DCDC2B: variants seen among roughly 807,000 people sequenced by gnomAD.
DCDC2B encodes doublecortin domain-containing protein 2B.
In DCDC2B, 41 loss-of-function variants were observed where a neutral mutation model predicts 38.9. The ratio of observed to expected loss-of-function variants is 1.05; its 90% CI spans 0.82 to 1.37. The LOEUF (loss-of-function observed/expected upper bound fraction) is 1.37. Ranked by LOEUF, DCDC2B falls within the 40% of genes most tolerant of loss-of-function variation. The probability of loss-of-function intolerance (pLI) is 0.00; values close to 1 mark genes in which losing one functional copy is unlikely to be tolerated. For missense variants in DCDC2B, 453 were observed against 427.2 expected, an observed-to-expected ratio of 1.06 and a Z score of -0.53; for synonymous variants, 181 against 171.9, an observed-to-expected ratio of 1.05 and a Z score of -0.41.
Position 32,215,466 on chromosome 1 carries a change from C to T in DCDC2B, c.877C>T (p.His293Tyr). 6.2e-7 allele frequency: 1 copy of T among 1,613,288 alleles called. No individual in the cohort carries two copies. The highest frequency in any genetic ancestry group is 1.1e-5 in the South Asian group (1 of 91,050). ...SGVIGVYGAPHRRKETAGALE... is the reference protein window; with the variant it reads ...SGVIGVYGAPYRRKETAGALE... The stretch of plus-strand genomic sequence containing the variant: ...AGTTATAGGAGTATATGGAGCTCCC[C>T]ACCGAAGGAAGGAGACAGCGGGGGC... Residue 293 changes from histidine (H) to tyrosine (Y), a missense_variant, in exon 8 of 9, where the codon CAC becomes TAC. Coordinates refer to ENST00000409358, the MANE Select transcript of DCDC2B (RefSeq NM_001099434.2).
chr1:32,214,627 A>T, intron 6 of DCDC2B, 170 bp from the exon 7 acceptor site: 1 of 896,712 alleles, frequency 1.1e-6, no homozygotes, highest in Non-Finnish European at 1.7e-6. Flanking sequence ...TGGATAAGTC[A>T]GGCTGGTGGG....
chr1:32,214,704 C>T (rs1471387109), intron 6 of DCDC2B, 93 bp from the exon 7 acceptor site: 5 of 1,539,204 alleles, frequency 3.2e-6, no homozygotes, highest in Non-Finnish European at 4.4e-6. Context: ...CATGTTCCTG[C>T]AGGCGTCAGG....
chr1:32,212,332 G>C (rs865793604), intron 4 of DCDC2B, 131 bp downstream of exon 4: 3 of 1,531,226 alleles, frequency 2.0e-6, no homozygotes, highest in Middle Eastern at 2.0e-4. Flanking sequence ...TATGCCACTG[G>C]GAGAGGGCCC....
intron 6 of DCDC2B, 174 bp from the exon 7 acceptor site, chr1:32,214,621 TAA>T (rs1406707239): frequency 2.4e-6 from 2 of 838,638 alleles, no homozygotes; most frequent in African/African-American, 3.4e-5. Flanking sequence ...TGTCCCTGGA[TAA>T]GTCAGGCTGG....
chr1:32,215,986 C>T lies in DCDC2B; in HGVS notation c.*89C>T. On this transcript the variant is annotated 3_prime_UTR_variant, in exon 9 of 9. Transcript: ENST00000409358. ...CAGCAGCTTGTTCCTCAGGAGCCAG[C>T]ACCTCCGCTGGGCTCACAGGGTACA... 8.9e-7 allele frequency: 1 copy of T among 1,125,716 alleles called. No individual in the cohort carries two copies. Among genetic ancestry groups the T allele is most frequent in the East Asian group, 2.6e-5 (1 of 38,954 alleles). 69.7% of individuals were successfully genotyped at this position (1,125,716 alleles called of 1,614,324 possible).
chr1:32,215,263 T>C, intron 7 of DCDC2B, 177 bp from the exon 8 acceptor site: 9 of 619,236 alleles, frequency 1.5e-5, no homozygotes, highest in Non-Finnish European at 2.3e-5. Flanking sequence ...GGGTGGGATA[T>C]AGAGGGGATG....
Position 32,210,413 on chromosome 1 carries a change from G to A in DCDC2B, c.267-859G>A, listed in dbSNP as rs545575391. On this transcript the variant is annotated intron_variant, in intron 1 of 8. Transcript: ENST00000409358. ...CTCAGGAGGCTGAGGCAGAAGAATCGCTTGAACCCGTGAGGCGGAGGTTGC... is the reference window on the plus strand; with the variant it reads ...CTCAGGAGGCTGAGGCAGAAGAATCACTTGAACCCGTGAGGCGGAGGTTGC... Among the ~76,000 whole-genome samples the A allele has an allele frequency of 2.2e-4, 33 of 150,804 alleles. 1 individual carries two copies. Among genetic ancestry groups the A allele is most frequent in the African/African-American group, 7.1e-4 (29 of 40,960 alleles).
Position 32,212,793 on chromosome 1 carries a change from G to C in DCDC2B, c.714G>C (p.Gly238=). ...PGSKSRPHRQ[G]AQGHRAQVTQ... ...CGAAGTCTAGGCCCCACAGGCAGGG[G>C]GTAGGTGACGCAGGGGACAATGAGG... The change falls in exon 6 of 9, where the codon GGG becomes GGC. Residue 238 remains glycine (G), a splice_region_variant and synonymous_variant. Transcript: ENST00000409358. The C allele has an allele frequency of 6.2e-7, 1 of 1,613,704 alleles. No individual in the cohort carries two copies. Among genetic ancestry groups the C allele is most frequent in the Non-Finnish European group, 8.5e-7 (1 of 1,179,874 alleles).
Position 32,211,750 on chromosome 1 carries a change from A to C in DCDC2B, c.319-11A>C. ...AACTCTCCTGATTTGGAGGCCTGAC[A>C]TGGGTTTCAGGGTCCTCCCGTGACT... On this transcript the variant is annotated splice_polypyrimidine_tract_variant and intron_variant, in intron 2 of 8. Coordinates refer to ENST00000409358, the MANE Select transcript of DCDC2B (RefSeq NM_001099434.2). 1.9e-6 allele frequency: 3 copies of C among 1,600,982 alleles called. No homozygotes were observed. Among genetic ancestry groups the C allele is most frequent in the Non-Finnish European group, 2.6e-6 (3 of 1,174,052 alleles).
intron 8 of DCDC2B, 41 bp downstream of exon 8, chr1:32,215,584 G>A (rs369781830): frequency 6.3e-6 from 10 of 1,580,294 alleles, no homozygotes; most frequent in Non-Finnish European, 8.6e-6. Flanking sequence ...GGGGTGGGAG[G>A]AGCTCTGAGC....
At position 32,212,280 on chromosome 1, in the gene DCDC2B, G is replaced by A. The variant is rs1643618923; in HGVS notation, c.527+79G>A. ...GGCTTCAGCTGTGGCTGAGGATGAA[G>A]AGGCAAAAGGAAAGCATGTTCCCCC... On this transcript the variant is annotated intron_variant, in intron 4 of 8. Coordinates refer to ENST00000409358, the MANE Select transcript of DCDC2B (RefSeq NM_001099434.2). 6.3e-6 allele frequency: 10 copies of A among 1,580,876 alleles called. No individual in the cohort carries two copies. The Admixed American group carries it at 1.4e-4, about 22-fold the overall frequency.
chr1:32,211,199 C>G (rs990755822), intron 1 of DCDC2B, 73 bp from the exon 2 acceptor site: 8 of 1,414,306 alleles, frequency 5.7e-6, no homozygotes, highest in Non-Finnish European at 8.0e-6. Context: ...CGCCCCAACC[C>G]AACACTGACA....
Position 32,209,334 on chromosome 1 carries a change from G to A in DCDC2B, c.241G>A (p.Gly81Arg). ...LKNRGQYVAA[G>R]FERFHKLHYL... ...GAACAGAGGGCAGTATGTGGCCGCT[G>A]GATTTGAACGATTCCACAAGCTCCA... is the stretch of plus-strand genomic sequence containing the variant. The change falls in exon 1 of 9, where the codon GGA becomes AGA. Residue 81 changes from glycine (G) to arginine (R), a missense_variant. Transcript: ENST00000409358. 1 of 1,613,980 alleles carries A rather than the reference G, an allele frequency of 6.2e-7. No individual in the cohort carries two copies. Among genetic ancestry groups the A allele is most frequent in the Non-Finnish European group, 8.5e-7 (1 of 1,179,892 alleles).
chr1:32,213,503 ATTTTTTTT>A (rs4012160), intron 6 of DCDC2B, among the ~76,000 whole-genome samples: 4 of 116,578 alleles, frequency 3.4e-5, no homozygotes, highest in Admixed American at 8.6e-5. Flanking sequence ...CACCCGGCTA[ATTTTTTTT>A]TTTTTTTTTT....
intron 6 of DCDC2B, 127 bp from the exon 7 acceptor site, chr1:32,214,670 G>A: frequency 7.2e-7 from 1 of 1,383,830 alleles, no homozygotes; most frequent in South Asian, 1.4e-5. Context: ...CGTACTTTGT[G>A]AAGACAGACG....
chr1:32,212,072 T>C lies in DCDC2B; in HGVS notation c.398T>C (p.Val133Ala). Residue 133 changes from valine to alanine, a missense_variant and splice_region_variant, in exon 4 of 9, where the codon GTG (valine) becomes GCG (alanine). Val to Ala is a moderately conservative substitution (Grantham distance 64). Coordinates refer to ENST00000409358, the MANE Select transcript of DCDC2B (RefSeq NM_001099434.2). ...CCTTACCAGGCTTTTTGTCTCAGTG[T>C]GTTCAGGAATGGGGACCTGGTAAGT... ...LPAGAPSYIH[V>A]FRNGDLVSPP... 6.2e-7 allele frequency: 1 copy of C among 1,611,336 alleles called. No individual in the cohort carries two copies. The highest frequency in any genetic ancestry group is 1.1e-5 in the South Asian group (1 of 90,926).
At chr1:32,211,421 C>A in intron 2 of DCDC2B, 98 bp downstream of exon 2, 3 of 1,284,648 alleles carry the variant, frequency 2.3e-6, no homozygotes, top group Non-Finnish European at 3.3e-6. Flanking sequence ...GCAGCAGGAT[C>A]TGCCAGTTCC....
chr1:32,215,110 T>TAAAA, intron 7 of DCDC2B, 178 bp downstream of exon 7: 2 of 672,114 alleles, frequency 3.0e-6, no homozygotes, highest in Non-Finnish European at 4.5e-6. Context: ...AGACTGCCCG[T>TAAAA]AAAAAAAAAA....
At chr1:32,211,975 A>T in intron 3 of DCDC2B, 95 bp from the exon 4 acceptor site, 1 of 1,544,272 alleles carries the variant, frequency 6.5e-7, no homozygotes, top group Non-Finnish European at 8.8e-7. Flanking sequence ...GTGAAGAGAG[A>T]CCAGTGTTAT....
Sources: allele counts gnomAD v4.1 joint callset (sites outside exome capture counted in the v4.1 genomes callset), GRCh38; gene constraint gnomAD v4.1.1; transcripts MANE v1.5; gene names NCBI Gene and HGNC (gene_info 2026-07-23, HGNC 2026-07-21).